NLRC4: variants seen among roughly 807,000 people sequenced by gnomAD.
NLRC4 encodes the protein NLR family CARD domain-containing protein 4.
NLRC4 carries 63 observed loss-of-function variants against 79.9 expected under a neutral mutation model. The observed-to-expected ratio is 0.79, with a 90% CI of 0.64 to 0.97. NLRC4 has a LOEUF of 0.97. Ranked by LOEUF, NLRC4 falls within the 50% of genes least tolerant of loss-of-function variation. The pLI is 0.00. For missense variants in NLRC4, 1,074 were observed against 1,215.2 expected (o/e 0.88, Z 1.73); for synonymous variants, 461 against 456.5 (o/e 1.01, Z -0.12).
intron 2 of NLRC4, 55 bp from the exon 3 acceptor site, chr2:32,252,734 T>G (rs1481649333): frequency 1.3e-6 from 2 of 1,524,570 alleles, no homozygotes; most frequent in East Asian, 2.3e-5. Flanking sequence ...AATGTGCATA[T>G]CCGGCTGGGC....
In NLRC4 at chr2:32,251,339, C is replaced by T. The variant is rs144894907; in HGVS notation, c.525G>A (p.Lys175=). Residue 175 remains lysine, a synonymous_variant, in exon 4 of 9, where the codon AAG becomes AAA. Transcript: ENST00000402280. ...CIIEGESGKG[K]STLLQRIAML... ...TGGCAATTCGCTGCAGCAGAGTGGA[C>T]TTGCCTTTGCCAGATTCCCCTTCAA... The T allele has an allele frequency of 3.7e-6, 6 of 1,614,040 alleles. No homozygotes were observed. In the African/African-American group the frequency reaches 8.0e-5, roughly 22 times the overall value.
intron 4 of NLRC4, among the ~76,000 whole-genome samples, chr2:32,243,088 AGGAG>A (rs1686843431): frequency 6.6e-6 from 1 of 151,126 alleles, no homozygotes; most frequent in Non-Finnish European, 1.5e-5. Flanking sequence ...AGAGAAAGAA[AGGAG>A]GGAGGGAAGG....
At chr2:32,247,647 C>T (rs1686968494) in intron 4 of NLRC4, among the ~76,000 whole-genome samples, 1 of 151,920 alleles carries the variant, frequency 6.6e-6, no homozygotes, top group African/African-American at 2.4e-5. Context: ...TATTTAAACA[C>T]ATACATATAT....
chr2:32,235,505 T>C lies in NLRC4; in HGVS notation c.2678A>G (p.Gln893Arg). ...TTTCAACAGGCTGCTCAGGCTGCCT[T>C]GCACGTCACAGCCCCAGGGCAGCAT... Reference protein sequence around the residue: ...ALMLPWGCDVQGSLSSLLKHL... With the variant: ...ALMLPWGCDVRGSLSSLLKHL... Residue 893 changes from glutamine (Q) to arginine (R), a missense_variant, in exon 8 of 9, where the codon CAA (glutamine) becomes CGA (arginine). Transcript: ENST00000402280. The C allele has an allele frequency of 6.2e-7, 1 of 1,614,172 alleles. No individual in the cohort carries two copies. The highest frequency in any genetic ancestry group is 8.5e-7 in the Non-Finnish European group (1 of 1,179,970).
chr2:32,227,243 C>T (rs903221804), intron 8 of NLRC4, among the ~76,000 whole-genome samples: 1 of 151,972 alleles, frequency 6.6e-6, no homozygotes, highest in African/African-American at 2.4e-5. Flanking sequence ...CTGGACTGCT[C>T]ATTTCTGGAC....
intron 8 of NLRC4, 77 bp downstream of exon 8, chr2:32,235,324 G>T (rs116224455): frequency 3.0e-6 from 3 of 990,766 alleles, no homozygotes; most frequent in Non-Finnish European, 3.1e-6. Context: ...AAATAAGGGG[G>T]CAAAATAAGC....
At chr2:32,225,420 T>C (rs1358093748) in intron 8 of NLRC4, among the ~76,000 whole-genome samples, 1 of 38,016 alleles carries the variant, frequency 2.6e-5, no homozygotes, top group African/African-American at 7.6e-5. Context: ...TGTGTGTGTG[T>C]GTGTGTGTGT....
intron 2 of NLRC4, among the ~76,000 whole-genome samples, chr2:32,254,356 C>G (rs1687155052): frequency 6.7e-6 from 1 of 149,978 alleles, no homozygotes; most frequent in Admixed American, 6.7e-5. Flanking sequence ...TGTATCTCCA[C>G]AGACTTTGGT....
intron 8 of NLRC4, among the ~76,000 whole-genome samples, chr2:32,230,509 C>T (rs212710): frequency 0.74 from 108,794 of 146,204 alleles, 40,852 homozygotes; most frequent in African/African-American, 0.81. Context: ...TCTCACTCTC[C>T]CACCCAGGCT....
intron 2 of NLRC4, among the ~76,000 whole-genome samples, chr2:32,256,141 G>C (rs762040640): frequency 1.3e-5 from 2 of 152,006 alleles, no homozygotes; most frequent in Non-Finnish European, 2.9e-5. Context: ...TGGAAAAAAT[G>C]CTGCTCATTT....
At chr2:32,225,806 A>G (rs370999561) in intron 8 of NLRC4, among the ~76,000 whole-genome samples, 2 of 152,170 alleles carry the variant, frequency 1.3e-5, no homozygotes, top group Admixed American at 6.5e-5. Flanking sequence ...TGGTTTATCA[A>G]TCCACATTAC....
At chr2:32,233,002 C>T (rs972535068) in intron 8 of NLRC4, among the ~76,000 whole-genome samples, 1 of 151,100 alleles carries the variant, frequency 6.6e-6, no homozygotes, top group African/African-American at 2.4e-5. Flanking sequence ...GTCCCAGCTA[C>T]TTGGGTAGTT....
chr2:32,260,465 A>AT, intron 1 of NLRC4, among the ~76,000 whole-genome samples: 1 of 152,286 alleles, frequency 6.6e-6, no homozygotes. Flanking sequence ...CAGCCATGGC[A>AT]AGTTTGCTGT....
intron 2 of NLRC4, 106 bp downstream of exon 2, chr2:32,256,669 A>G (rs1433432735): frequency 1.4e-6 from 1 of 740,220 alleles, no homozygotes; most frequent in Non-Finnish European, 2.5e-6. Context: ...TGGTAATTCC[A>G]CATATGACTG....
In NLRC4 at chr2:32,249,797, G is replaced by T; in HGVS notation, c.2067C>A (p.Ser689Arg). ...YLGKIFSSAT[S>R]LRLQIKRCAG... ...CACATCTCTTTATTTGCAGCCTGAG[G>T]CTTGTGGCAGAGCTGAATATTTTCC... The change falls in exon 4 of 9, where the codon AGC (serine) becomes AGA (arginine). Residue 689 changes from serine (S) to arginine (R), a missense_variant. Coordinates refer to ENST00000402280, the MANE Select transcript of NLRC4 (RefSeq NM_001199138.2). 6.2e-7 allele frequency: 1 copy of T among 1,614,202 alleles called. No homozygotes were observed. The highest frequency in any genetic ancestry group is 8.5e-7 in the Non-Finnish European group (1 of 1,180,044).
chr2:32,263,956 A>G (rs1687409156), intron 1 of NLRC4, among the ~76,000 whole-genome samples: 1 of 152,192 alleles, frequency 6.6e-6, no homozygotes, highest in Admixed American at 6.6e-5. Flanking sequence ...GCAAGGATCT[A>G]CTGAGATAAT....
chr2:32,242,665 C>A (rs1010066005), intron 4 of NLRC4, among the ~76,000 whole-genome samples: 2 of 152,126 alleles, frequency 1.3e-5, no homozygotes, highest in African/African-American at 4.8e-5. Context: ...ACAGTCACTT[C>A]CAGAAAATAG....
At chr2:32,239,557 A>G (rs1268829082) in intron 5 of NLRC4, among the ~76,000 whole-genome samples, 1 of 152,196 alleles carries the variant, frequency 6.6e-6, no homozygotes, top group Non-Finnish European at 1.5e-5. Flanking sequence ...GGATCATTAT[A>G]TCTATGTACT....
intron 1 of NLRC4, among the ~76,000 whole-genome samples, chr2:32,257,612 G>GA (rs144558409): frequency 0.013 from 1,605 of 122,226 alleles, 26 homozygotes; most frequent in South Asian, 0.058. Flanking sequence ...GCCTCAAAAA[G>GA]AAAAAAAAAA....
Sources: allele counts gnomAD v4.1 joint callset (sites outside exome capture counted in the v4.1 genomes callset), GRCh38; gene constraint gnomAD v4.1.1; transcripts MANE v1.5; gene names NCBI Gene and HGNC (gene_info 2026-07-23, HGNC 2026-07-21).